Variants in DPP6 observed in about 807,000 individuals in gnomAD.
DPP6 encodes the protein A-type potassium channel modulatory protein DPP6.
In DPP6, 69 loss-of-function variants were observed where a neutral mutation model predicts 122.6. The observed-to-expected ratio is 0.56, with a 90% CI of 0.46 to 0.69. The LOEUF (loss-of-function observed/expected upper bound fraction) is 0.69, where lower values mean the gene tolerates loss of function less well. DPP6 is among the 30% of genes least tolerant of loss of function. The pLI, the probability that DPP6 is intolerant of heterozygous loss-of-function variation, is 0.00. For synonymous variants in DPP6, 418 were observed against 433.1 expected, an observed-to-expected ratio of 0.97 and a Z score of 0.43; for missense variants, 928 against 1,116.9, an observed-to-expected ratio of 0.83 and a Z score of 2.41.
chr7:154,103,860 T>C (rs1359774127), intron 1 of DPP6, among the ~76,000 whole-genome samples: 1 of 152,228 alleles, frequency 6.6e-6, no homozygotes, highest in Non-Finnish European at 1.5e-5. Context: ...ATGCTAGTGG[T>C]TTGCCGGGGG....
At chr7:154,723,745 T>C (rs1220426756) in intron 7 of DPP6, among the ~76,000 whole-genome samples, 3 of 152,256 alleles carry the variant, frequency 2.0e-5, no homozygotes, top group African/African-American at 7.2e-5. Flanking sequence ...TCCTGTATTA[T>C]GCAAAATACC....
chr7:153,787,977 G>A, the DPP6 span, among the ~76,000 whole-genome samples: 3 of 151,678 alleles, frequency 2.0e-5, no homozygotes, highest in Non-Finnish European at 2.9e-5. Flanking sequence ...TTAATGGTTC[G>A]GGACTGGTCC....
intron 1 of DPP6, among the ~76,000 whole-genome samples, chr7:154,226,792 A>G (rs62484140): frequency 0.068 from 10,355 of 152,212 alleles, 704 homozygotes; most frequent in African/African-American, 0.17. Context: ...TGATCTTCAG[A>G]GTCAGAGAAA....
chr7:153,753,418 A>G, the DPP6 span, among the ~76,000 whole-genome samples: 2 of 152,088 alleles, frequency 1.3e-5, no homozygotes, highest in African/African-American at 4.8e-5. Flanking sequence ...AATTAGGATC[A>G]ATATAACAGA....
At chr7:154,560,756 G>A (rs145883065) in intron 4 of DPP6, among the ~76,000 whole-genome samples, 1,562 of 152,036 alleles carry the variant, frequency 0.01, 25 homozygotes, top group African/African-American at 0.034. Context: ...GATGGTGGGC[G>A]CCTGTTATCC....
intron 1 of DPP6, among the ~76,000 whole-genome samples, chr7:154,209,561 AAC>A (rs1799629165): frequency 2.0e-5 from 3 of 150,820 alleles, no homozygotes; most frequent in Admixed American, 6.6e-5. Flanking sequence ...AAAAACAAAA[AAC>A]CTTTCTTCAG....
At chr7:154,709,697 C>T (rs1431399292) in intron 7 of DPP6, among the ~76,000 whole-genome samples, 1 of 150,928 alleles carries the variant, frequency 6.6e-6, no homozygotes, top group African/African-American at 2.4e-5. Flanking sequence ...ATTCTATGAT[C>T]TCAAGCCAGC....
chr7:154,693,122 C>G (rs1840027378), intron 7 of DPP6, among the ~76,000 whole-genome samples: 1 of 150,680 alleles, frequency 6.6e-6, no homozygotes, highest in Non-Finnish European at 1.5e-5. Context: ...AATTAACCTT[C>G]TACTTGACCA....
intron 8 of DPP6, among the ~76,000 whole-genome samples, chr7:154,763,497 T>A (rs1191155668): frequency 1.3e-5 from 2 of 152,130 alleles, no homozygotes; most frequent in East Asian, 3.9e-4. Context: ...ACCCCTGAGC[T>A]AGGCACAGTT....
At chr7:153,789,232 G>C in the DPP6 span, among the ~76,000 whole-genome samples, 3 of 152,138 alleles carry the variant, frequency 2.0e-5, no homozygotes, top group Non-Finnish European at 4.4e-5. Context: ...CATAAAATTT[G>C]TTGTGTCTCA....
chr7:154,003,649 T>A (rs1237244394), intron 1 of DPP6, among the ~76,000 whole-genome samples: 1 of 151,846 alleles, frequency 6.6e-6, no homozygotes, highest in African/African-American at 2.4e-5. Context: ...CTATTCCTTC[T>A]GAATATTGGA....
At chr7:154,784,300 G>A (rs1194961989) in intron 10 of DPP6, among the ~76,000 whole-genome samples, 1 of 152,042 alleles carries the variant, frequency 6.6e-6, no homozygotes, top group Non-Finnish European at 1.5e-5. Context: ...GCCAGACCTC[G>A]GCCCCAGCTG....
intron 1 of DPP6, among the ~76,000 whole-genome samples, chr7:154,036,302 GGGGGC>G (rs1262898078): frequency 1.1e-4 from 6 of 56,910 alleles, no homozygotes; most frequent in Admixed American, 3.3e-4. Context: ...GCGGGGGGTT[GGGGGC>G]GGGGGGATTC....
chr7:154,847,252 A>C (rs1563277856), intron 16 of DPP6, among the ~76,000 whole-genome samples: 1 of 152,214 alleles, frequency 6.6e-6, no homozygotes, highest in African/African-American at 2.4e-5. Context: ...CGTACCAAAT[A>C]TGTTACATTG....
intron 1 of DPP6, among the ~76,000 whole-genome samples, chr7:154,363,622 C>A (rs1811916816): frequency 6.6e-6 from 1 of 152,140 alleles, no homozygotes; most frequent in South Asian, 2.1e-4. Context: ...GCGCGGAAAA[C>A]CATGCTCCGT....
chr7:154,394,390 T>C (rs1464920167), intron 1 of DPP6, among the ~76,000 whole-genome samples: 1 of 150,546 alleles, frequency 6.6e-6, no homozygotes, highest in Non-Finnish European at 1.5e-5. Flanking sequence ...GTGTACCTTT[T>C]TTGGAGAACT....
intron 1 of DPP6, among the ~76,000 whole-genome samples, chr7:154,321,776 C>G (rs1331535359): frequency 7.9e-6 from 1 of 126,044 alleles, no homozygotes; most frequent in Admixed American, 8.0e-5. Flanking sequence ...CAGAGCAAGA[C>G]TCTGTCTCAA....
chr7:153,862,357 G>A, the DPP6 span, among the ~76,000 whole-genome samples: 2 of 152,210 alleles, frequency 1.3e-5, no homozygotes, highest in African/African-American at 2.4e-5. Context: ...CCTGTTAGCA[G>A]CAAAGTCAGG....
chr7:154,244,824 T>C (rs566196186), intron 1 of DPP6, among the ~76,000 whole-genome samples: 3 of 152,162 alleles, frequency 2.0e-5, no homozygotes, highest in African/African-American at 4.8e-5. Flanking sequence ...CACAGAAATA[T>C]ATGAGTATAG....
Sources: gnomAD v4.1 joint callset for allele counts (sites outside exome capture counted in the v4.1 genomes callset) on GRCh38, gnomAD v4.1.1 for gene constraint, MANE v1.5 for transcripts, NCBI Gene and HGNC (gene_info 2026-07-23, HGNC 2026-07-21) for gene names.